The following ABHD18 variants were observed in gnomAD, a reference collection of about 807,000 sequenced individuals.
ABHD18 encodes cardiolipin-specific deacylase, mitochondrial.
Under a neutral mutation model 65.9 loss-of-function variants are expected in ABHD18, and 55 were observed. The ratio of observed to expected loss-of-function variants is 0.84; its 90% CI spans 0.67 to 1.05. ABHD18 has a LOEUF of 1.05. Ranked by LOEUF, ABHD18 falls within the 50% of genes least tolerant of loss-of-function variation. The pLI is 0.00. For missense variants in ABHD18, 533 were observed against 558.5 expected (o/e 0.95, Z 0.46); for synonymous variants, 181 against 180.2 (o/e 1.00, Z -0.04).
intron 12 of ABHD18, 124 bp from the exon 13 acceptor site, chr4:128,035,638 G>A (rs991141326): frequency 2.1e-5 from 12 of 577,338 alleles, no homozygotes; most frequent in African/African-American, 1.5e-4. Context: ...CTATTTCATA[G>A]CTATTTAGAG....
At chr4:127,979,528 G>A (rs374616947) in intron 1 of ABHD18, among the ~76,000 whole-genome samples, 5 of 151,922 alleles carry the variant, frequency 3.3e-5, no homozygotes, top group Non-Finnish European at 7.4e-5. Context: ...GCACTCTAGC[G>A]TGGGCGACAA....
chr4:127,972,193 G>A (rs1223517660), intron 1 of ABHD18, among the ~76,000 whole-genome samples: 1 of 152,198 alleles, frequency 6.6e-6, no homozygotes, highest in Non-Finnish European at 1.5e-5. Context: ...TGGACTCAGG[G>A]AGCATCTCCT....
intron 6 of ABHD18, among the ~76,000 whole-genome samples, chr4:128,010,571 G>C (rs1385889842): frequency 6.6e-6 from 1 of 151,182 alleles, no homozygotes; most frequent in Admixed American, 6.6e-5. Context: ...AAACTCTATG[G>C]TGTGGCACAG....
chr4:127,998,535 G>A (rs1211131010), intron 4 of ABHD18, among the ~76,000 whole-genome samples: 9 of 145,660 alleles, frequency 6.2e-5, no homozygotes, highest in Non-Finnish European at 7.5e-5. Flanking sequence ...CACTGCTCCC[G>A]GCTGACTTTT....
chr4:127,988,460 G>A (rs1750365558), intron 3 of ABHD18, among the ~76,000 whole-genome samples: 1 of 152,100 alleles, frequency 6.6e-6, no homozygotes, highest in Non-Finnish European at 1.5e-5. Flanking sequence ...TTGAATTCCT[G>A]GGCTCGAGAG....
chr4:128,031,121 A>C (rs1455801047), intron 12 of ABHD18: 1 of 988,156 alleles, frequency 1.0e-6, no homozygotes, highest in African/African-American at 1.7e-5. Flanking sequence ...TAATGTGAAC[A>C]ACCTTATATG....
intron 4 of ABHD18, among the ~76,000 whole-genome samples, chr4:128,002,362 C>T (rs1752807417): frequency 6.6e-6 from 1 of 151,444 alleles, no homozygotes; most frequent in African/African-American, 2.4e-5. Flanking sequence ...TGACTGCAAC[C>T]TCTGCCTCCT....
chr4:128,012,283 T>G (rs1392871184), intron 7 of ABHD18, among the ~76,000 whole-genome samples: 1 of 152,190 alleles, frequency 6.6e-6, no homozygotes, highest in Non-Finnish European at 1.5e-5. Flanking sequence ...AGCCTACCTT[T>G]TCCTTTTTAA....
intron 1 of ABHD18, among the ~76,000 whole-genome samples, chr4:127,969,629 A>G (rs908547063): frequency 1.1e-4 from 16 of 152,078 alleles, no homozygotes; most frequent in African/African-American, 3.4e-4. Flanking sequence ...TTCTAATTCT[A>G]TATTTTTGCT....
chr4:127,982,218 T>G (rs1271826260), intron 1 of ABHD18, among the ~76,000 whole-genome samples: 1 of 152,166 alleles, frequency 6.6e-6, no homozygotes, highest in African/African-American at 2.4e-5. Flanking sequence ...CATTTTTCAT[T>G]TATTTAAGTA....
rs1338072595 is a variant in ABHD18, at chr4:128,001,259, T to C, written c.279-7661T>C. Among the ~76,000 whole-genome samples, 4 of 152,182 alleles carry C rather than the reference T, an allele frequency of 2.6e-5. No homozygotes were observed. In the East Asian group the frequency reaches 7.7e-4, roughly 29 times the overall value. On this transcript the variant is annotated intron_variant, in intron 4 of 12. Transcript: ENST00000645843. Reference sequence around the variant, plus strand: ...TCTAGCTTTTGCCCATTCAGTATGGTGTTGGCTGTGGGTTTGTCATAGATG... The same window carrying C: ...TCTAGCTTTTGCCCATTCAGTATGGCGTTGGCTGTGGGTTTGTCATAGATG...
chr4:128,022,158 A>T (rs1217888996), intron 10 of ABHD18, among the ~76,000 whole-genome samples: 1 of 152,210 alleles, frequency 6.6e-6, no homozygotes. Flanking sequence ...CAGCAAGCCA[A>T]CATGGCACAT....
chr4:127,998,122 C>A (rs1347364135), intron 4 of ABHD18, among the ~76,000 whole-genome samples: 1 of 151,996 alleles, frequency 6.6e-6, no homozygotes, highest in Non-Finnish European at 1.5e-5. Context: ...TTCCTGGGCT[C>A]AAGGGATCCT....
chr4:127,971,452 C>T (rs541128576), intron 1 of ABHD18, among the ~76,000 whole-genome samples: 1 of 150,260 alleles, frequency 6.7e-6, no homozygotes, highest in African/African-American at 2.4e-5. Flanking sequence ...ATGCCACCCC[C>T]TGCCACTCTC....
chr4:127,976,744 T>C (rs1747992858), intron 1 of ABHD18, among the ~76,000 whole-genome samples: 1 of 152,170 alleles, frequency 6.6e-6, no homozygotes, highest in South Asian at 2.1e-4. Flanking sequence ...TATAAGTTGT[T>C]TTTAAAATAT....
intron 3 of ABHD18, among the ~76,000 whole-genome samples, chr4:127,984,714 G>A (rs1010116963): frequency 1.3e-5 from 2 of 152,050 alleles, no homozygotes; most frequent in Admixed American, 6.6e-5. Flanking sequence ...TACAAAATTA[G>A]CCGGGCATGG....
chr4:127,989,024 TA>T (rs1193369558), intron 3 of ABHD18, among the ~76,000 whole-genome samples: 5 of 152,180 alleles, frequency 3.3e-5, no homozygotes, highest in Non-Finnish European at 5.9e-5. Flanking sequence ...GGAATCAACC[TA>T]AGTGTTCATC....
intron 4 of ABHD18, among the ~76,000 whole-genome samples, chr4:127,992,275 C>A (rs1751046719): frequency 3.9e-5 from 6 of 152,052 alleles, no homozygotes; most frequent in Admixed American, 3.9e-4. Context: ...AGTTCGAGAC[C>A]AGCCTGGCCA....
Position 128,036,909 on chromosome 4 carries a change from G to A in ABHD18, c.*1096G>A, listed in dbSNP as rs1487389362. 3 of 152,024 alleles carry A rather than the reference G, an allele frequency of 2.0e-5. No individual in the cohort carries two copies. The highest frequency in any genetic ancestry group is 4.4e-5 in the Non-Finnish European group (3 of 68,072). The allele number at this position is 152,024 out of a possible 1,614,324, so 9.4% of individuals were successfully genotyped here. On this transcript the variant is annotated 3_prime_UTR_variant, in exon 13 of 13. Coordinates refer to ENST00000645843, the MANE Select transcript of ABHD18 (RefSeq NM_001358451.3). The stretch of plus-strand genomic sequence containing the variant: ...TCAGGCGGGCGGATCACAAGGTCAG[G>A]AGTTTAAGACCAGCCTGGCCAACAT...
Sources: gnomAD v4.1 joint callset for allele counts (sites outside exome capture counted in the v4.1 genomes callset) on GRCh38, gnomAD v4.1.1 for gene constraint, MANE v1.5 for transcripts, NCBI Gene and HGNC (gene_info 2026-07-23, HGNC 2026-07-21) for gene names.